The following LIN9 variants were observed in gnomAD, a reference collection of about 807,000 sequenced individuals.
The protein encoded by LIN9 is lin-9 DREAM MuvB core complex component, also known as protein lin-9 homolog.
In LIN9, 18 loss-of-function variants were observed where a neutral mutation model predicts 78.0. The ratio of observed to expected loss-of-function variants is 0.23; its 90% confidence interval spans 0.16 to 0.34. The LOEUF is 0.34. LIN9 is among the 10% of genes least tolerant of loss of function. The pLI is 1.00. For synonymous variants in LIN9, 192 were observed against 215.2 expected, an observed-to-expected ratio of 0.89 and a Z score of 0.94; for missense variants, 451 against 644.1, an observed-to-expected ratio of 0.70 and a Z score of 3.25.
intron 10 of LIN9, among the ~76,000 whole-genome samples, chr1:226,263,759 A>G (rs1191494712): frequency 6.6e-6 from 1 of 152,226 alleles, no homozygotes; most frequent in Non-Finnish European, 1.5e-5. Context: ...AAGAAATTTT[A>G]TATTGCAAGG....
upstream of LIN9, chr1:226,309,414 C>G (rs1663155606): frequency 4.0e-6 from 4 of 996,054 alleles, no homozygotes; most frequent in Non-Finnish European, 4.8e-6. Flanking sequence ...CGGCGAGGCC[C>G]GGCGCCGGAG....
At chr1:226,274,508 T>C (rs1235960524) in intron 7 of LIN9, among the ~76,000 whole-genome samples, 5 of 152,312 alleles carry the variant, frequency 3.3e-5, no homozygotes, top group Admixed American at 1.3e-4. Flanking sequence ...CTTAGATCTA[T>C]ATTTTTGGAA....
chr1:226,282,000 T>A (rs535603732), intron 6 of LIN9, among the ~76,000 whole-genome samples: 77 of 152,248 alleles, frequency 5.1e-4, no homozygotes, highest in African/African-American at 1.8e-3. Context: ...CCATTATACT[T>A]TTCTTACAGA....
chr1:226,276,332 G>A (rs1008611319), intron 7 of LIN9, among the ~76,000 whole-genome samples: 5 of 152,136 alleles, frequency 3.3e-5, no homozygotes, highest in Admixed American at 6.6e-5. Flanking sequence ...TTTATATGGA[G>A]TTTTTACAAC....
intron 7 of LIN9, among the ~76,000 whole-genome samples, chr1:226,270,507 CAA>C (rs893887054): frequency 2.6e-5 from 4 of 151,986 alleles, no homozygotes; most frequent in African/African-American, 4.8e-5. Flanking sequence ...AGATATTTAG[CAA>C]AGACTTAAAA....
intron 1 of LIN9, chr1:226,308,578 G>A (rs1274011206): frequency 6.6e-6 from 1 of 152,500 alleles, no homozygotes; most frequent in Non-Finnish European, 1.5e-5. Flanking sequence ...GGGGGGGTGG[G>A]GAGGACAGTG....
chr1:226,280,059 T>C (rs1291901554), intron 6 of LIN9, among the ~76,000 whole-genome samples: 1 of 152,222 alleles, frequency 6.6e-6, no homozygotes, highest in Non-Finnish European at 1.5e-5. Flanking sequence ...CTTCCTACTA[T>C]GTAAACTTTT....
At chr1:226,305,529 T>G (rs1558213723) in intron 1 of LIN9, among the ~76,000 whole-genome samples, 1 of 151,466 alleles carries the variant, frequency 6.6e-6, no homozygotes, top group Admixed American at 6.6e-5. Flanking sequence ...GAAGACATAA[T>G]TTAGTCAGGG....
chr1:226,276,011 G>C (rs1660634361), intron 7 of LIN9, among the ~76,000 whole-genome samples: 1 of 152,172 alleles, frequency 6.6e-6, no homozygotes, highest in Non-Finnish European at 1.5e-5. Context: ...CTGGGCAACA[G>C]AGCAAGACTT....
Position 226,268,045 on chromosome 1 carries a change from T to A in LIN9, c.728A>T (p.Asp243Val). The change falls in exon 8 of 15, where the codon GAT becomes GTT. Residue 243 changes from aspartate (D) to valine (V), a missense_variant. By Grantham distance (152) the Asp-to-Val change is radical. Coordinates refer to ENST00000681046, the MANE Select transcript of LIN9 (RefSeq NM_001366245.2). ...AGTAGCATTAAGAGTATCCACAGCA[T>A]CTATTTGTCCAGTGAACAAACCATC... Reference protein sequence around the residue: ...VHDGLFTGQIDAVDTLNATYR... With the variant: ...VHDGLFTGQIVAVDTLNATYR... 1 of 1,614,108 alleles carries A rather than the reference T, an allele frequency of 6.2e-7. No individual in the cohort carries two copies. Among genetic ancestry groups the A allele is most frequent in the East Asian group, 2.2e-5 (1 of 44,864 alleles).
At chr1:226,234,475 T>C (rs2102822779) in intron 12 of LIN9, among the ~76,000 whole-genome samples, 1 of 152,300 alleles carries the variant, frequency 6.6e-6, no homozygotes, top group South Asian at 2.1e-4. Flanking sequence ...AAGCTCAAAT[T>C]GTCCCAGATT....
At chr1:226,280,266 G>GA (rs1233627041) in intron 6 of LIN9, among the ~76,000 whole-genome samples, 1 of 151,960 alleles carries the variant, frequency 6.6e-6, no homozygotes, top group Non-Finnish European at 1.5e-5. Context: ...AAAACAATGA[G>GA]AAAAAAGGAT....
At chr1:226,287,533 T>C in intron 5 of LIN9, 131 bp downstream of exon 5, 1 of 595,418 alleles carries the variant, frequency 1.7e-6, no homozygotes. Context: ...AACTGGAATG[T>C]GGAACAGAAA....
At chr1:226,296,196 C>A (rs1442380506) in intron 3 of LIN9, among the ~76,000 whole-genome samples, 1 of 152,162 alleles carries the variant, frequency 6.6e-6, no homozygotes, top group Non-Finnish European at 1.5e-5. Flanking sequence ...ACTGGAACCC[C>A]AAGTCTCCTT....
At chr1:226,282,451 T>C (rs1030529390) in intron 6 of LIN9, among the ~76,000 whole-genome samples, 14 of 152,244 alleles carry the variant, frequency 9.2e-5, no homozygotes, top group African/African-American at 3.1e-4. Context: ...ACCAGTAATA[T>C]GTATGAGTGA....
intron 11 of LIN9, among the ~76,000 whole-genome samples, chr1:226,243,695 C>CAAAAAAA (rs532381607): frequency 2.8e-5 from 1 of 35,406 alleles, no homozygotes; most frequent in African/African-American, 1.0e-4. Flanking sequence ...GACTCCGTCT[C>CAAAAAAA]AAAAAAAAAA....
intron 10 of LIN9, among the ~76,000 whole-genome samples, chr1:226,251,352 C>G (rs770510820): frequency 6.6e-6 from 1 of 152,148 alleles, no homozygotes; most frequent in Admixed American, 6.5e-5. Flanking sequence ...CTCAGCCTCC[C>G]GAGTAGCTGG....
At chr1:226,276,371 C>T (rs1660655839) in intron 7 of LIN9, among the ~76,000 whole-genome samples, 1 of 152,086 alleles carries the variant, frequency 6.6e-6, no homozygotes, top group Non-Finnish European at 1.5e-5. Context: ...GCTGTCTACC[C>T]ATCTCATCCC....
At chr1:226,286,573 G>A in intron 5 of LIN9, 115 bp from the exon 6 acceptor site, 1 of 724,776 alleles carries the variant, frequency 1.4e-6, no homozygotes, top group Non-Finnish European at 2.2e-6. Context: ...ATATAAACTG[G>A]CACAAATTCA....
Sources: allele counts gnomAD v4.1 joint callset (sites outside exome capture counted in the v4.1 genomes callset), GRCh38; gene constraint gnomAD v4.1.1; transcripts MANE v1.5; gene names NCBI Gene and HGNC (gene_info 2026-07-23, HGNC 2026-07-21).